TBC1D22A: variants seen among roughly 807,000 people sequenced by gnomAD.
TBC1D22A encodes the protein putative GTPase activator.
Under a neutral mutation model 60.2 loss-of-function variants are expected in TBC1D22A, and 38 were observed. The observed-to-expected ratio is 0.63, with a 90% confidence interval of 0.49 to 0.83. The LOEUF (loss-of-function observed/expected upper bound fraction) is 0.83. Ranked by LOEUF, TBC1D22A falls within the 40% of genes least tolerant of loss-of-function variation. TBC1D22A has a pLI of 0.00. For synonymous variants in TBC1D22A, 302 were observed against 281.7 expected (o/e 1.07, Z -0.72); for missense variants, 628 against 701.0 (o/e 0.90, Z 1.18).
In TBC1D22A at chr22:47,039,935, C is replaced by CTTTTT. The variant is rs570751261; in HGVS notation, c.1329+2760_1329+2764dup. On this transcript the variant is annotated intron_variant, in intron 11 of 12. Transcript: ENST00000337137. ...CAAGGCGTCGGGGAGGTGCCACAGC[C>CTTTTT]TTTTTTTTTTTTTTTTTTTTTTTTT... is the stretch of plus-strand genomic sequence containing the variant. 4.6e-3 allele frequency among the ~76,000 whole-genome samples: 352 copies of CTTTTT among 77,276 alleles called. 43 individuals carry two copies. Among genetic ancestry groups the CTTTTT allele is most frequent in the African/African-American group, 0.017 (277 of 15,916 alleles). The allele number at this position is 77,276 out of a possible 152,430, so 50.7% of individuals were successfully genotyped here. A position where few individuals can be genotyped will look rare whatever the true frequency, so the allele number is the denominator to read the frequency against.
At chr22:47,112,428 A>G (rs2065884404) in intron 12 of TBC1D22A, among the ~76,000 whole-genome samples, 1 of 152,150 alleles carries the variant, frequency 6.6e-6, no homozygotes, top group Non-Finnish European at 1.5e-5. Context: ...CTCGTCTCTC[A>G]GATAAAGGGA....
At chr22:46,775,913 G>T (rs1423190800) in intron 1 of TBC1D22A, among the ~76,000 whole-genome samples, 3 of 152,248 alleles carry the variant, frequency 2.0e-5, no homozygotes, top group Non-Finnish European at 4.4e-5. Flanking sequence ...GTGAGGAAGA[G>T]AATTAAATGG....
chr22:47,104,482 GTC>G (rs2065546574), intron 11 of TBC1D22A, among the ~76,000 whole-genome samples: 2 of 47,766 alleles, frequency 4.2e-5, no homozygotes, highest in Admixed American at 2.1e-4. Flanking sequence ...ATCACCTGAG[GTC>G]AGGAGTTTAA....
intron 12 of TBC1D22A, among the ~76,000 whole-genome samples, chr22:47,140,489 G>A (rs557843086): frequency 5.4e-4 from 82 of 151,348 alleles, no homozygotes; most frequent in African/African-American, 1.9e-3. Flanking sequence ...AACCCAGGAG[G>A]CAGAACTTGC....
At chr22:47,133,056 T>C (rs775241480) in intron 12 of TBC1D22A, among the ~76,000 whole-genome samples, 1 of 152,214 alleles carries the variant, frequency 6.6e-6, no homozygotes. Context: ...ACTCCAAAAA[T>C]TGAAGTAGGC....
intron 1 of TBC1D22A, among the ~76,000 whole-genome samples, chr22:46,768,975 T>G (rs917967335): frequency 6.6e-6 from 1 of 150,400 alleles, no homozygotes; most frequent in Non-Finnish European, 1.5e-5. Context: ...GCATCTATAA[T>G]CCCAGCTACT....
At chr22:46,980,724 T>G (rs1193366834) in intron 9 of TBC1D22A, among the ~76,000 whole-genome samples, 1 of 143,044 alleles carries the variant, frequency 7.0e-6, no homozygotes. Context: ...AAAGCCAATA[T>G]TTGTAAAGCT....
In TBC1D22A at chr22:47,065,807, C is replaced by G. The variant is rs1014372784; in HGVS notation, c.1329+28609C>G. Among the ~76,000 whole-genome samples the G allele has an allele frequency of 7.9e-5, 12 of 152,106 alleles. 1 individual carries two copies. The highest frequency in any genetic ancestry group is 2.9e-5 in the Non-Finnish European group (2 of 68,018). On this transcript the variant is annotated intron_variant, in intron 11 of 12. Transcript: ENST00000337137. ...GGAGATGCGGGTTCCTTGGCCACGT[C>G]GTGAATCCTGCTCTGAGTTCCTCAG...
chr22:46,845,404 CTAT>C (rs1218469208), intron 4 of TBC1D22A, among the ~76,000 whole-genome samples: 1 of 152,176 alleles, frequency 6.6e-6, no homozygotes, highest in African/African-American at 2.4e-5. Flanking sequence ...CCTAACAGAG[CTAT>C]TATTATTCAT....
At chr22:46,989,632 T>C (rs914376172) in intron 9 of TBC1D22A, among the ~76,000 whole-genome samples, 1 of 152,036 alleles carries the variant, frequency 6.6e-6, no homozygotes, top group African/African-American at 2.4e-5. Context: ...CTGTCTTAAA[T>C]GGCATGGTTT....
At chr22:46,855,874 C>T (rs1602172226) in intron 4 of TBC1D22A, among the ~76,000 whole-genome samples, 4 of 152,286 alleles carry the variant, frequency 2.6e-5, no homozygotes, top group Admixed American at 2.6e-4. Context: ...TTCGTAATTA[C>T]ATTGCATACT....
At chr22:46,880,299 A>G (rs1602287043) in intron 5 of TBC1D22A, among the ~76,000 whole-genome samples, 1 of 152,200 alleles carries the variant, frequency 6.6e-6, no homozygotes, top group African/African-American at 2.4e-5. Flanking sequence ...TGAGTTTCTG[A>G]TTAGCCTTTC....
chr22:46,871,047 C>G (rs1172522457), intron 4 of TBC1D22A, among the ~76,000 whole-genome samples: 1 of 152,126 alleles, frequency 6.6e-6, no homozygotes, highest in Admixed American at 6.5e-5. Flanking sequence ...CATGCAAGCT[C>G]TAATCACAAG....
intron 8 of TBC1D22A, among the ~76,000 whole-genome samples, chr22:46,929,383 T>C (rs2071223320): frequency 6.6e-6 from 1 of 152,240 alleles, no homozygotes; most frequent in Admixed American, 6.5e-5. Context: ...ACGTATATTC[T>C]CACCACCATG....
intron 11 of TBC1D22A, among the ~76,000 whole-genome samples, chr22:47,059,533 A>T (rs2063503232): frequency 6.6e-6 from 1 of 152,190 alleles, no homozygotes; most frequent in South Asian, 2.1e-4. Flanking sequence ...CCCCAATGTG[A>T]GCAAGTCTGT....
Position 47,175,490 on chromosome 22 carries a change from T to C in TBC1D22A, c.*1864T>C, listed in dbSNP as rs1337681287. 6.6e-6 allele frequency: 1 copy of C among 152,258 alleles called. No individual in the cohort carries two copies. The highest frequency in any genetic ancestry group is 6.5e-5 in the Admixed American group (1 of 15,284). The allele number at this position is 152,258 out of a possible 1,614,324, so 9.4% of individuals were successfully genotyped here. A position where few individuals can be genotyped will look rare whatever the true frequency, so the allele number is the denominator to read the frequency against. On this transcript the variant is annotated 3_prime_UTR_variant, in exon 13 of 13. Coordinates refer to ENST00000337137, the MANE Select transcript of TBC1D22A (RefSeq NM_014346.5). ...CAGAAGGCTGCGGACACAACTGACCTGCTTCTCGAGGTGGTTGATGTTTTA... is the reference window on the plus strand; with the variant it reads ...CAGAAGGCTGCGGACACAACTGACCCGCTTCTCGAGGTGGTTGATGTTTTA...
At chr22:46,830,820 G>A (rs57746449) in intron 4 of TBC1D22A, among the ~76,000 whole-genome samples, 2,801 of 152,346 alleles carry the variant, frequency 0.018, 85 homozygotes, top group African/African-American at 0.064. Flanking sequence ...TAGATTCAGG[G>A]TCAGCGTAGG....
chr22:46,932,182 C>T (rs2071389973), intron 8 of TBC1D22A, among the ~76,000 whole-genome samples: 1 of 152,204 alleles, frequency 6.6e-6, no homozygotes, highest in Non-Finnish European at 1.5e-5. Context: ...AGACACTGCG[C>T]TAAGCAGGTC....
chr22:47,171,966 A>C (rs143858498), intron 12 of TBC1D22A, among the ~76,000 whole-genome samples: 41 of 151,962 alleles, frequency 2.7e-4, no homozygotes, highest in African/African-American at 9.9e-4. Flanking sequence ...CAGCACTCCC[A>C]GTAAGCCCAA....
Sources: gnomAD v4.1 joint callset for allele counts (sites outside exome capture counted in the v4.1 genomes callset) on GRCh38, gnomAD v4.1.1 for gene constraint, MANE v1.5 for transcripts, NCBI Gene and HGNC (gene_info 2026-07-23, HGNC 2026-07-21) for gene names.